The following ZC3H4 variants were observed in gnomAD, a reference collection of about 807,000 sequenced individuals.
The protein encoded by ZC3H4 is zinc finger CCCH domain-containing protein 4.
A neutral mutation model predicts 108.3 loss-of-function variants in ZC3H4; 13 were observed. The ratio of observed to expected loss-of-function variants is 0.12; its 90% CI spans 0.08 to 0.19. The LOEUF is 0.19. Among genes scored for constraint, ZC3H4 ranks in the 10% least tolerant of loss-of-function variants. ZC3H4 has a pLI of 1.00. For missense variants in ZC3H4, 1,734 were observed against 1,838.8 expected (o/e 0.94, Z 1.04); for synonymous variants, 917 against 749.6 (o/e 1.22, Z -3.65).
At chr19:47,084,258 T>A in intron 9 of ZC3H4, 87 bp downstream of exon 9, 3 of 1,270,528 alleles carry the variant, frequency 2.4e-6, no homozygotes, top group Non-Finnish European at 2.3e-6. Context: ...CCACCCACCC[T>A]CACCACGGCT....
In ZC3H4 at chr19:47,085,231, AC is replaced by A. The variant is rs779496354; in HGVS notation, c.968-37del. ...GAGATTGTGTGAAGACCTGCTGACC[AC>A]CCCCTCCCCCACCCCCAGGACTAGA... On this transcript the variant is annotated intron_variant, in intron 7 of 14. Transcript: ENST00000253048. 8.3e-6 allele frequency: 13 copies of A among 1,560,458 alleles called. No individual in the cohort carries two copies. In the African/African-American group the frequency reaches 9.9e-5, roughly 12 times the overall value.
intron 5 of ZC3H4, among the ~76,000 whole-genome samples, chr19:47,088,710 C>G (rs1193650926): frequency 6.6e-6 from 1 of 152,116 alleles, no homozygotes; most frequent in African/African-American, 2.4e-5. Context: ...AGGCTGGCCT[C>G]CAACTCCCGG....
chr19:47,085,731 T>C (rs1180961603), intron 6 of ZC3H4, among the ~76,000 whole-genome samples: 2 of 152,098 alleles, frequency 1.3e-5, no homozygotes, highest in Non-Finnish European at 2.9e-5. Flanking sequence ...GCAAGTGCAG[T>C]GCACCTGCCG....
intron 2 of ZC3H4, among the ~76,000 whole-genome samples, chr19:47,100,861 A>AT (rs1234155263): frequency 2.6e-5 from 4 of 151,754 alleles, no homozygotes; most frequent in Non-Finnish European, 4.4e-5. Context: ...CCGCGTCCAG[A>AT]TAATTTTTGT....
intron 10 of ZC3H4, 57 bp from the exon 11 acceptor site, chr19:47,081,679 A>C: frequency 7.0e-7 from 1 of 1,435,024 alleles, no homozygotes; most frequent in Non-Finnish European, 9.8e-7. Flanking sequence ...CTCCCCCACC[A>C]CAGACCCAAG....
chr19:47,067,562 T>A lies in ZC3H4; in HGVS notation c.2706A>T (p.Glu902Asp). ...LARALPTSKP[E>D]GSLHSSPVGP... ...CCACAGGGCTGGAATGAAGGCTGCC[T>A]TCGGGCTTGGAGGTGGGCAGGGCGC... The change falls in exon 15 of 15, where the codon GAA becomes GAT. Residue 902 changes from glutamate (E) to aspartate (D), a missense_variant. Physicochemically the swap from Glu to Asp is conservative, Grantham distance 45 (BLOSUM62 2). This residue lies in a region of ZC3H4 where 540 missense variants were observed against 484.1 expected (regional missense o/e 1.12). Coordinates refer to ENST00000253048, the MANE Select transcript of ZC3H4 (RefSeq NM_015168.2). The surrounding 1 kb of genome is among the most constrained non-coding windows in gnomAD (Gnocchi z 6.4). The A allele has an allele frequency of 7.5e-6, 12 of 1,602,584 alleles. No individual in the cohort carries two copies. The highest frequency in any genetic ancestry group is 1.0e-5 in the Non-Finnish European group (12 of 1,174,552).
intron 2 of ZC3H4, among the ~76,000 whole-genome samples, chr19:47,097,773 G>A (rs939981247): frequency 3.3e-5 from 5 of 152,108 alleles, no homozygotes; most frequent in African/African-American, 4.8e-5. Context: ...GCCCCACCGC[G>A]CTAATCATTT....
chr19:47,076,992 C>CA, intron 11 of ZC3H4, among the ~76,000 whole-genome samples: 2 of 150,424 alleles, frequency 1.3e-5, no homozygotes, highest in East Asian at 2.0e-4. Flanking sequence ...GACTCCGTCT[C>CA]AAAAAAAAAT....
intron 2 of ZC3H4, among the ~76,000 whole-genome samples, chr19:47,109,114 A>G (rs1276663918): frequency 1.3e-5 from 2 of 152,042 alleles, no homozygotes; most frequent in Non-Finnish European, 2.9e-5. Flanking sequence ...TGCAACATCC[A>G]TTAATTTGAT....
intron 5 of ZC3H4, among the ~76,000 whole-genome samples, chr19:47,089,271 G>A: frequency 6.6e-6 from 1 of 151,308 alleles, no homozygotes; most frequent in Non-Finnish European, 1.5e-5. Context: ...GCCTCAGGCA[G>A]GGCTCACAAG....
rs990008404 is a variant in ZC3H4, at chr19:47,103,701, C to T, written c.161+8723G>A. Among the ~76,000 whole-genome samples, 10 of 140,736 alleles carry T rather than the reference C, an allele frequency of 7.1e-5. 1 individual carries two copies. The highest frequency in any genetic ancestry group is 2.2e-4 in the Admixed American group (3 of 13,632). 92.3% of individuals were successfully genotyped at this position (140,736 alleles called of 152,430 possible). On this transcript the variant is annotated intron_variant, in intron 2 of 14. Coordinates refer to ENST00000253048, the MANE Select transcript of ZC3H4 (RefSeq NM_015168.2). ...CAGCACTTTGGGAGGACGAGGCGGG[C>T]GGATCACGAGGTCAGGAGATTTAGA...
At chr19:47,102,868 G>T (rs773629138) in intron 2 of ZC3H4, among the ~76,000 whole-genome samples, 1 of 151,928 alleles carries the variant, frequency 6.6e-6, no homozygotes, top group Non-Finnish European at 1.5e-5. Context: ...TGAAACGAAT[G>T]CCTTCGCCCC....
At chr19:47,090,869 TTGGTAATGGGAAAC>T (rs2057719173) in intron 4 of ZC3H4, among the ~76,000 whole-genome samples, 1 of 151,814 alleles carries the variant, frequency 6.6e-6, no homozygotes. Flanking sequence ...ATGCAAGACA[TTGGTAATGGGAAAC>T]TGGAGGCAGG....
chr19:47,085,364 G>A lies in ZC3H4; in HGVS notation c.921C>T (p.Ser307=). Residue 307 remains serine (S), a synonymous_variant, in exon 7 of 15, where the codon TCC becomes TCT. Transcript: ENST00000253048. The part of the protein sequence containing the change: ...PMGDDDYDEY[S]KELNQYRRSK... The stretch of plus-strand genomic sequence containing the variant: ...AGCGGCGGTACTGGTTCAGCTCCTT[G>A]GAGTACTCGTCATAGTCGTCGTCTC... The A allele has an allele frequency of 6.2e-7, 1 of 1,603,458 alleles. No homozygotes were observed. The highest frequency in any genetic ancestry group is 1.1e-5 in the South Asian group (1 of 89,692).
At chr19:47,092,876 C>G (rs774970479) in intron 4 of ZC3H4, among the ~76,000 whole-genome samples, 1 of 151,528 alleles carries the variant, frequency 6.6e-6, no homozygotes, top group African/African-American at 2.4e-5. Context: ...ATTTCTCATC[C>G]AAACCCGGAC....
Position 47,066,513 on chromosome 19 carries a change from A to T in ZC3H4, c.3755T>A (p.Val1252Glu). 1 of 1,573,706 alleles carries T rather than the reference A, an allele frequency of 6.4e-7. No individual in the cohort carries two copies. The highest frequency in any genetic ancestry group is 8.6e-7 in the Non-Finnish European group (1 of 1,159,074). ...CTTCACCGTCCCGAAGAGGGTGGGCACGGGCAGGTTGTGCACCCCGGGCTG... is the reference window on the plus strand; with the variant it reads ...CTTCACCGTCCCGAAGAGGGTGGGCTCGGGCAGGTTGTGCACCCCGGGCTG... The part of the protein sequence containing the change: ...PPQPGVHNLP[V>E]PTLFGTVKQT... Residue 1252 changes from valine (V) to glutamate (E), a missense_variant, in exon 15 of 15, where the codon GTG becomes GAG. Physicochemically the swap from Val to Glu is moderately radical, Grantham distance 121. Around this residue, in one of 9 missense-constraint regions of ZC3H4, gnomAD observed 518 missense variants for 499.6 expected, o/e 1.04. Transcript: ENST00000253048.
chr19:47,093,399 C>G (rs959486062), intron 4 of ZC3H4, among the ~76,000 whole-genome samples: 2 of 152,032 alleles, frequency 1.3e-5, no homozygotes, highest in Non-Finnish European at 2.9e-5. Flanking sequence ...GCCAATTTCC[C>G]AAAAAGGTCA....
Position 47,066,662 on chromosome 19 carries a change from C to G in ZC3H4, c.3606G>C (p.Gly1202=). The G allele has an allele frequency of 6.2e-7, 1 of 1,611,800 alleles. No homozygotes were observed. Among genetic ancestry groups the G allele is most frequent in the Admixed American group, 1.7e-5 (1 of 59,916 alleles). ...GGGTGCCCCCATCAGCACCGGCCTT[C>G]CCTGTCTCTGGCTGTTCCAGGGCAG... ...RKSALEQPET[G]KAGADGGTPT... is the part of the protein sequence containing the mutation. Residue 1202 remains glycine, a synonymous_variant, in exon 15 of 15, where the codon GGG becomes GGC. Transcript: ENST00000253048.
chr19:47,090,208 G>A lies in ZC3H4; in HGVS notation c.493-19C>T. 6.2e-7 allele frequency: 1 copy of A among 1,613,852 alleles called. No individual in the cohort carries two copies. Among genetic ancestry groups the A allele is most frequent in the Non-Finnish European group, 8.5e-7 (1 of 1,179,830 alleles). The stretch of plus-strand genomic sequence containing the variant: ...GGTGGGACTGCGTCCCAGAGATGGG[G>A]AAAAGAGGTGAGCCGGATCCCACAG... On this transcript the variant is annotated intron_variant, in intron 4 of 14. Transcript: ENST00000253048.
Sources: allele counts gnomAD v4.1 joint callset (sites outside exome capture counted in the v4.1 genomes callset), GRCh38; gene constraint gnomAD v4.1.1; regional missense constraint gnomAD v4.1.1; non-coding constraint Gnocchi (gnomAD v3.1); transcripts MANE v1.5; gene names NCBI Gene and HGNC (gene_info 2026-07-23, HGNC 2026-07-21).